Variants in NAV3 observed in about 807,000 individuals in gnomAD.
NAV3 encodes the protein neuron navigator 3, also known as pore membrane and/or filament interacting like protein 1.
Under a neutral mutation model 244.7 loss-of-function variants are expected in NAV3, and 87 were observed. The ratio of observed to expected loss-of-function variants is 0.36; its 90% CI spans 0.30 to 0.42. The LOEUF (loss-of-function observed/expected upper bound fraction) is 0.42. Ranked by LOEUF, NAV3 falls within the 20% of genes least tolerant of loss-of-function variation. The pLI, the probability that NAV3 is intolerant of heterozygous loss-of-function variation, is 1.00. For synonymous variants in NAV3, 1,126 were observed against 1,042.2 expected, an observed-to-expected ratio of 1.08 and a Z score of -1.55; for missense variants, 2,663 against 2,893.3, an observed-to-expected ratio of 0.92 and a Z score of 1.83.
intron 2 of NAV3, among the ~76,000 whole-genome samples, chr12:77,686,301 C>A (rs1173873357): frequency 6.6e-6 from 1 of 152,058 alleles, no homozygotes; most frequent in Non-Finnish European, 1.5e-5. Flanking sequence ...CCATGTTGAC[C>A]AGGCCGGTCT....
chr12:78,173,577 A>G (rs187954761), intron 24 of NAV3, among the ~76,000 whole-genome samples: 11 of 151,720 alleles, frequency 7.3e-5, no homozygotes, highest in Non-Finnish European at 1.5e-4. Context: ...TGACTTCCAT[A>G]ATAGTTGATT....
chr12:77,756,353 C>CTT (rs202018543), intron 2 of NAV3, among the ~76,000 whole-genome samples: 5 of 151,478 alleles, frequency 3.3e-5, no homozygotes, highest in African/African-American at 1.2e-4. Flanking sequence ...TTAACTGACA[C>CTT]TTTTTTTTTC....
At chr12:77,762,970 A>C (rs1276089234) in intron 2 of NAV3, among the ~76,000 whole-genome samples, 2 of 152,222 alleles carry the variant, frequency 1.3e-5, no homozygotes, top group Admixed American at 1.3e-4. Flanking sequence ...TATGGAGGGA[A>C]ATGTGAACCT....
intron 2 of NAV3, among the ~76,000 whole-genome samples, chr12:77,698,494 A>G (rs1875415491): frequency 6.6e-6 from 1 of 152,142 alleles, no homozygotes; most frequent in Admixed American, 6.6e-5. Flanking sequence ...ATTTGGCTAT[A>G]GGGGTCCAGT....
At chr12:77,943,340 A>G (rs1045633415) in intron 3 of NAV3, among the ~76,000 whole-genome samples, 5 of 152,204 alleles carry the variant, frequency 3.3e-5, no homozygotes, top group Non-Finnish European at 7.3e-5. Context: ...TAAAAAAGGT[A>G]GTTTATTCAG....
intron 16 of NAV3, among the ~76,000 whole-genome samples, chr12:78,123,121 A>C (rs1309575466): frequency 1.3e-5 from 2 of 151,896 alleles, no homozygotes; most frequent in Non-Finnish European, 2.9e-5. Context: ...GAGCAAAATC[A>C]CTCTAAATTT....
intron 2 of NAV3, among the ~76,000 whole-genome samples, chr12:77,760,359 G>A (rs1869400318): frequency 6.6e-6 from 1 of 152,208 alleles, no homozygotes; most frequent in African/African-American, 2.4e-5. Context: ...GAACCACAGA[G>A]CAGCATGCAA....
At chr12:77,747,448 G>T (rs983523434) in intron 2 of NAV3, among the ~76,000 whole-genome samples, 7 of 152,168 alleles carry the variant, frequency 4.6e-5, no homozygotes, top group African/African-American at 1.7e-4. Flanking sequence ...CTGTAAACTA[G>T]TTCAACCATT....
intron 2 of NAV3, among the ~76,000 whole-genome samples, chr12:77,763,992 C>G (rs1470943160): frequency 6.6e-6 from 1 of 152,174 alleles, no homozygotes; most frequent in African/African-American, 2.4e-5. Flanking sequence ...AGAGGGGCCT[C>G]GTTTTCCTGG....
At chr12:78,037,358 A>G (rs2137032481) in intron 9 of NAV3, 1 of 702,854 alleles carries the variant, frequency 1.4e-6, no homozygotes, top group Non-Finnish European at 2.6e-6. Flanking sequence ...TGGGTGATCT[A>G]GAACAGGCAC....
chr12:77,596,891 TA>T (rs1432572547), intron 2 of NAV3, among the ~76,000 whole-genome samples: 1 of 152,140 alleles, frequency 6.6e-6, no homozygotes, highest in Non-Finnish European at 1.5e-5. Flanking sequence ...GAAAGTAAAG[TA>T]AATTGGTATG....
At chr12:77,710,563 A>G (rs1565781808) in intron 2 of NAV3, among the ~76,000 whole-genome samples, 2 of 152,194 alleles carry the variant, frequency 1.3e-5, no homozygotes, top group South Asian at 4.1e-4. Context: ...CTCCCCAAAG[A>G]TGTCAGTAGA....
chr12:77,697,826 T>A (rs1223723508), intron 2 of NAV3, among the ~76,000 whole-genome samples: 1 of 152,164 alleles, frequency 6.6e-6, no homozygotes, highest in African/African-American at 2.4e-5. Context: ...AAAATAGATG[T>A]GTGAACGATT....
chr12:78,074,667 A>G (rs980056192), intron 12 of NAV3, among the ~76,000 whole-genome samples: 3 of 152,126 alleles, frequency 2.0e-5, no homozygotes, highest in Admixed American at 6.6e-5. Flanking sequence ...TCGTGTCACT[A>G]TACTCCAGCC....
At chr12:78,129,607 C>T (rs1299250266) in intron 18 of NAV3, among the ~76,000 whole-genome samples, 2 of 152,004 alleles carry the variant, frequency 1.3e-5, no homozygotes, top group Admixed American at 1.3e-4. Context: ...TGCCAGATAC[C>T]ATTTAATAGA....
chr12:77,808,960 CT>C (rs1234908944), intron 2 of NAV3, among the ~76,000 whole-genome samples: 1 of 152,120 alleles, frequency 6.6e-6, no homozygotes, highest in African/African-American at 2.4e-5. Context: ...TTTCCGGTGG[CT>C]TTTTTTACAC....
chr12:77,794,214 A>C (rs866391470), intron 2 of NAV3, among the ~76,000 whole-genome samples: 2 of 152,198 alleles, frequency 1.3e-5, no homozygotes, highest in Middle Eastern at 3.4e-3. Flanking sequence ...CTTGTAGATT[A>C]TATCATCTAT....
At chr12:77,621,312 A>G (rs1313758055) in intron 2 of NAV3, among the ~76,000 whole-genome samples, 2 of 152,142 alleles carry the variant, frequency 1.3e-5, no homozygotes, top group East Asian at 1.9e-4. Flanking sequence ...ATGTAGAAGC[A>G]ATGCCCTCCT....
At chr12:77,835,636 ATCT>A (rs1233350076) in intron 1 of NAV3, among the ~76,000 whole-genome samples, 4 of 152,176 alleles carry the variant, frequency 2.6e-5, no homozygotes, top group Non-Finnish European at 4.4e-5. Context: ...GCTTGGGTTT[ATCT>A]TCTTCTGCAA....
Sources: gnomAD v4.1 joint callset for allele counts (sites outside exome capture counted in the v4.1 genomes callset) on GRCh38, gnomAD v4.1.1 for gene constraint, MANE v1.5 for transcripts, NCBI Gene and HGNC (gene_info 2026-07-23, HGNC 2026-07-21) for gene names.